SLC3A1: variants seen among roughly 807,000 people sequenced by gnomAD.
SLC3A1 encodes the protein amino acid transporter heavy chain SLC3A1.
SLC3A1 carries 78 observed loss-of-function variants against 60.3 expected under a neutral mutation model. That is an observed-to-expected ratio of 1.29 (90% CI 1.08 to 1.56). SLC3A1 has a LOEUF of 1.56. Ranked by LOEUF, SLC3A1 falls within the 40% of genes most tolerant of loss-of-function variation. The pLI is 0.00. For missense variants in SLC3A1, 1,172 were observed against 858.9 expected (o/e 1.36, Z -4.56); for synonymous variants, 392 against 307.9 (o/e 1.27, Z -2.86).
intron 6 of SLC3A1, among the ~76,000 whole-genome samples, chr2:44,303,245 A>ATTTTT (rs113167902): frequency 1.1e-3 from 148 of 136,598 alleles, no homozygotes; most frequent in Admixed American, 3.3e-3. Flanking sequence ...CTGAGATCCA[A>ATTTTT]TTTTTTTTTT....
At chr2:44,299,280 C>G (rs934634173) in intron 4 of SLC3A1, among the ~76,000 whole-genome samples, 1 of 152,082 alleles carries the variant, frequency 6.6e-6, no homozygotes, top group Non-Finnish European at 1.5e-5. Context: ...CTCAGGTGAT[C>G]CGCCTGCCTC....
At chr2:44,306,210 G>A (rs546925940) in intron 7 of SLC3A1, among the ~76,000 whole-genome samples, 2 of 152,252 alleles carry the variant, frequency 1.3e-5, no homozygotes, top group Non-Finnish European at 2.9e-5. Context: ...TTTGATCTGG[G>A]CCCTGAAAAG....
In SLC3A1 at chr2:44,313,857, C is replaced by G. The variant is rs1282012105; in HGVS notation, c.1523C>G (p.Pro508Arg). The change falls in exon 9 of 10, where the codon CCA becomes CGA. Residue 508 changes from proline (P) to arginine (R), a missense_variant. Coordinates refer to ENST00000260649, the MANE Select transcript of SLC3A1 (RefSeq NM_000341.4). ...YDINTLRSKS[P>R]MQWDNSSNAG... ...TAGAATACCCTTCGCTCAAAGTCACCAATGCAGTGGGACAATAGTTCAAAT... is the reference window on the plus strand; with the variant it reads ...TAGAATACCCTTCGCTCAAAGTCACGAATGCAGTGGGACAATAGTTCAAAT... 2.5e-6 allele frequency: 4 copies of G among 1,613,866 alleles called. No homozygotes were observed. Among genetic ancestry groups the G allele is most frequent in the Non-Finnish European group, 3.4e-6 (4 of 1,179,892 alleles).
intron 7 of SLC3A1, among the ~76,000 whole-genome samples, chr2:44,310,134 T>A (rs1558467655): frequency 6.6e-6 from 1 of 152,102 alleles, no homozygotes; most frequent in Non-Finnish European, 1.5e-5. Context: ...GCTCAAGTGA[T>A]CTTCCCACCT....
chr2:44,306,550 C>CTTT (rs11290172), intron 7 of SLC3A1, among the ~76,000 whole-genome samples: 84 of 101,100 alleles, frequency 8.3e-4, no homozygotes, highest in East Asian at 4.6e-3. Context: ...TACCATAAAA[C>CTTT]TTTTTTTTTT....
intron 7 of SLC3A1, among the ~76,000 whole-genome samples, chr2:44,312,110 A>G (rs1248870394): frequency 6.6e-6 from 1 of 152,204 alleles, no homozygotes; most frequent in African/African-American, 2.4e-5. Flanking sequence ...AACACTTTAT[A>G]AAATTTCATC....
At position 44,301,104 on chromosome 2, in the gene SLC3A1, C is replaced by T. The variant is rs768467260; in HGVS notation, c.1113C>T (p.Tyr371=). 2 of 1,613,186 alleles carry T rather than the reference C, an allele frequency of 1.2e-6. No individual in the cohort carries two copies. The highest frequency in any genetic ancestry group is 1.1e-5 in the South Asian group (1 of 91,080). The change falls in exon 6 of 10, where the codon TAC becomes TAT. Residue 371 remains tyrosine (Y), a synonymous_variant. Coordinates refer to ENST00000260649, the MANE Select transcript of SLC3A1 (RefSeq NM_000341.4). ...GCTTCCGGCAGACCATGGACCAATA[C>T]AGCACGGAGCCCGGCAGATACAGGT... ...VRSFRQTMDQ[Y]STEPGRYRFM...
Position 44,320,420 on chromosome 2 carries a change from C to A in SLC3A1, c.1839C>A (p.Gly613=). ...TAAATCTACATAATATGATTTCGGG[C>A]CTTCCCGCTAAAATGAGAATAAGGT... The part of the protein sequence containing the change: ...TLLNLHNMIS[G]LPAKMRIRLS... The change falls in exon 10 of 10, where the codon GGC becomes GGA. Residue 613 remains glycine (G), a synonymous_variant. Transcript: ENST00000260649. 3 of 1,613,944 alleles carry A rather than the reference C, an allele frequency of 1.9e-6. No individual in the cohort carries two copies. Among genetic ancestry groups the A allele is most frequent in the Non-Finnish European group, 8.5e-7 (1 of 1,179,874 alleles).
intron 4 of SLC3A1, among the ~76,000 whole-genome samples, chr2:44,294,427 C>G (rs1273281052): frequency 2.0e-5 from 3 of 151,512 alleles, no homozygotes; most frequent in Admixed American, 1.3e-4. Context: ...ATTGCTTGAA[C>G]CCGGGAGGCA....
chr2:44,298,681 C>T (rs1671918991), intron 4 of SLC3A1, among the ~76,000 whole-genome samples: 1 of 152,006 alleles, frequency 6.6e-6, no homozygotes, highest in Non-Finnish European at 1.5e-5. Flanking sequence ...CCCGGACTAA[C>T]CACTTATTTG....
intron 9 of SLC3A1, chr2:44,319,288 C>A (rs1224304358): frequency 6.6e-6 from 1 of 152,612 alleles, no homozygotes; most frequent in Non-Finnish European, 1.5e-5. Flanking sequence ...GATTTGGCAA[C>A]AGCTCTTATG....
At chr2:44,296,317 C>T (rs1348588743) in intron 4 of SLC3A1, among the ~76,000 whole-genome samples, 6 of 152,090 alleles carry the variant, frequency 3.9e-5, no homozygotes, top group South Asian at 2.1e-4. Flanking sequence ...TAAAATAATC[C>T]GGGAGACCTA....
At chr2:44,301,890 C>A (rs1265015128) in intron 6 of SLC3A1, among the ~76,000 whole-genome samples, 1 of 151,700 alleles carries the variant, frequency 6.6e-6, no homozygotes, top group African/African-American at 2.4e-5. Flanking sequence ...CGAAACCCCT[C>A]CTCTACTAGA....
Position 44,320,710 on chromosome 2 carries a change from C to CTTCA in SLC3A1, c.*71_*72insTTCA. 8.9e-7 allele frequency: 1 copy of CTTCA among 1,127,492 alleles called. No individual in the cohort carries two copies. Among genetic ancestry groups the CTTCA allele is most frequent in the Non-Finnish European group, 1.4e-6 (1 of 739,390 alleles). 69.8% of individuals were successfully genotyped at this position (1,127,492 alleles called of 1,614,324 possible). ...TAAGCATTTGTAATAGCTTCATGTA[C>CTTCA]AGCATGCTGCTTGGTGAACAATCAT... On this transcript the variant is annotated 3_prime_UTR_variant, in exon 10 of 10. Coordinates refer to ENST00000260649, the MANE Select transcript of SLC3A1 (RefSeq NM_000341.4).
At chr2:44,313,651 CT>C (rs1346028650) in intron 8 of SLC3A1, among the ~76,000 whole-genome samples, 183 bp from the exon 9 acceptor site, 1 of 152,136 alleles carries the variant, frequency 6.6e-6, no homozygotes, top group Non-Finnish European at 1.5e-5. Context: ...TAGGTACTTT[CT>C]AGTTAAAAGG....
At chr2:44,321,972 T>TC, downstream of SLC3A1, 1 of 1,438,684 alleles carries the variant, frequency 7.0e-7, no homozygotes. Flanking sequence ...GACCCATTCC[T>TC]CCCCTCTTCT....
chr2:44,286,779 G>A (rs567583378), intron 4 of SLC3A1, among the ~76,000 whole-genome samples: 23 of 146,974 alleles, frequency 1.6e-4, no homozygotes, highest in Non-Finnish European at 3.0e-4. Flanking sequence ...TGAGCTGTGC[G>A]GTGCCTGTGA....
At chr2:44,300,147 G>A in intron 5 of SLC3A1, 57 bp downstream of exon 5, 7 of 1,574,796 alleles carry the variant, frequency 4.4e-6, no homozygotes, top group Non-Finnish European at 5.2e-6. Flanking sequence ...TCATCAGAGT[G>A]TTTTCTTTCT....
In SLC3A1 at chr2:44,312,648, G is replaced by A. The variant is rs1672327870; in HGVS notation, c.1395G>A (p.Met465Ile). 8 of 1,613,928 alleles carry A rather than the reference G, an allele frequency of 5.0e-6. No individual in the cohort carries two copies. The highest frequency in any genetic ancestry group is 6.8e-6 in the Non-Finnish European group (8 of 1,179,832). ...TGGGGAATCAGTATGTCAACGTGAT[G>A]AACATGCTTCTTTTCACACTCCCTG... The part of the protein sequence containing the change: ...SRLGNQYVNV[M>I]NMLLFTLPGT... The change falls in exon 8 of 10, where the codon ATG (methionine) becomes ATA (isoleucine). Residue 465 changes from methionine (M) to isoleucine (I), a missense_variant. Transcript: ENST00000260649.
Sources: gnomAD v4.1 joint callset for allele counts (sites outside exome capture counted in the v4.1 genomes callset) on GRCh38, gnomAD v4.1.1 for gene constraint, MANE v1.5 for transcripts, NCBI Gene and HGNC (gene_info 2026-07-23, HGNC 2026-07-21) for gene names.